Variants in GK5 observed in about 807,000 individuals in gnomAD.
GK5 encodes glycerol kinase 5.
A neutral mutation model predicts 77.3 loss-of-function variants in GK5; 39 were observed. The observed-to-expected ratio is 0.50, with a 90% CI of 0.39 to 0.66. The LOEUF is 0.66. Ranked by LOEUF, GK5 falls within the 30% of genes least tolerant of loss-of-function variation. The probability of loss-of-function intolerance (pLI) is 0.00; values close to 1 mark genes in which losing one functional copy is unlikely to be tolerated. For synonymous variants in GK5, 211 were observed against 208.0 expected (o/e 1.01, Z -0.13); for missense variants, 487 against 633.8 (o/e 0.77, Z 2.49).
chr3:142,170,381 G>A lies in GK5; in HGVS notation c.1385C>T (p.Pro462Leu). Residue 462 changes from proline (P) to leucine (L), a missense_variant, in exon 15 of 16, where the codon CCT becomes CTT. Coordinates refer to ENST00000392993, the MANE Select transcript of GK5 (RefSeq NM_001039547.3). ...SDLINENIDR[P>L]ADIDMSCLGA... ...CAGGCATGACATGTCAATGTCGGCA[G>A]GTCTGTCTATATTCTCATTAATCAG... 1 of 1,613,946 alleles carries A rather than the reference G, an allele frequency of 6.2e-7. No homozygotes were observed. Among genetic ancestry groups the A allele is most frequent in the Non-Finnish European group, 8.5e-7 (1 of 1,179,888 alleles).
intron 2 of GK5, among the ~76,000 whole-genome samples, chr3:142,214,182 A>C (rs1375100720): frequency 1.3e-5 from 2 of 152,218 alleles, no homozygotes; most frequent in African/African-American, 4.8e-5. Flanking sequence ...TGGGAAAAAA[A>C]CAAATACTAT....
intron 1 of GK5, among the ~76,000 whole-genome samples, chr3:142,217,224 T>C (rs1261054036): frequency 6.6e-6 from 1 of 152,178 alleles, no homozygotes; most frequent in Non-Finnish European, 1.5e-5. Flanking sequence ...CAACGGTAAC[T>C]GCAGTAATCA....
intron 14 of GK5, 61 bp from the exon 15 acceptor site, chr3:142,170,519 G>T (rs2063523765): frequency 9.4e-6 from 13 of 1,379,902 alleles, no homozygotes; most frequent in East Asian, 2.4e-5. Flanking sequence ...CTTTTTCAGT[G>T]GGCCACATTT....
Position 142,163,084 on chromosome 3 carries a change from G to A in GK5, c.*2538C>T, listed in dbSNP as rs2063437809. On this transcript the variant is annotated 3_prime_UTR_variant, in exon 16 of 16. Coordinates refer to ENST00000392993, the MANE Select transcript of GK5 (RefSeq NM_001039547.3). ...CAACCACAAAAGCAAATGTGGTCAT[G>A]TTTCTGATTTTAGTTAAGTCCAAAA... 6.6e-6 allele frequency: 1 copy of A among 151,432 alleles called. No individual in the cohort carries two copies. The highest frequency in any genetic ancestry group is 2.4e-5 in the African/African-American group (1 of 41,164). 9.4% of individuals were successfully genotyped at this position (151,432 alleles called of 1,614,324 possible).
At chr3:142,172,268 A>G in intron 13 of GK5, 85 bp downstream of exon 13, 1 of 635,938 alleles carries the variant, frequency 1.6e-6, no homozygotes, top group Non-Finnish European at 2.8e-6. Context: ...AATTAAAATT[A>G]AGAAATTTTC....
chr3:142,212,290 G>C (rs1382864859), intron 3 of GK5, among the ~76,000 whole-genome samples: 1 of 152,042 alleles, frequency 6.6e-6, no homozygotes, highest in African/African-American at 2.4e-5. Flanking sequence ...TGCTAGCTGG[G>C]GGAGGTGGCT....
chr3:142,178,395 AC>A (rs1425322146), intron 11 of GK5, among the ~76,000 whole-genome samples: 2 of 152,244 alleles, frequency 1.3e-5, no homozygotes, highest in African/African-American at 2.4e-5. Flanking sequence ...AAACAAAAAA[AC>A]CAAGACAATT....
chr3:142,170,255 G>C (rs757644576), intron 15 of GK5, 70 bp downstream of exon 15: 1 of 1,504,776 alleles, frequency 6.6e-7, no homozygotes, highest in South Asian at 1.1e-5. Context: ...TTTGTAATTT[G>C]AGAGGAGAAA....
chr3:142,199,820 C>T (rs967827786), intron 4 of GK5, among the ~76,000 whole-genome samples: 1 of 150,842 alleles, frequency 6.6e-6, no homozygotes, highest in African/African-American at 2.4e-5. Context: ...TAGATGGACA[C>T]TTCAACTTGT....
intron 9 of GK5, 177 bp from the exon 10 acceptor site, chr3:142,183,226 G>T: frequency 7.2e-6 from 4 of 558,022 alleles, no homozygotes; most frequent in East Asian, 3.0e-5. Context: ...TAGGATAGGA[G>T]TCTCCCTAGG....
At chr3:142,204,838 T>C (rs755083163) in intron 3 of GK5, 50 bp from the exon 4 acceptor site, 1 of 1,012,748 alleles carries the variant, frequency 9.9e-7, no homozygotes. Flanking sequence ...TCAGAGACTA[T>C]GTTAAAGATG....
intron 3 of GK5, among the ~76,000 whole-genome samples, chr3:142,207,222 G>A (rs1030601237): frequency 5.3e-5 from 8 of 152,270 alleles, no homozygotes; most frequent in Non-Finnish European, 1.0e-4. Flanking sequence ...ATAAACGGAC[G>A]CATGAGGGGG....
At chr3:142,182,859 C>T in intron 10 of GK5, 64 bp downstream of exon 10, 2 of 1,160,304 alleles carry the variant, frequency 1.7e-6, no homozygotes, top group Non-Finnish European at 2.5e-6. Context: ...ATAAGTATCA[C>T]AGAAGTTAAA....
At chr3:142,184,920 T>A (rs1560217607) in intron 9 of GK5, 1 of 985,474 alleles carries the variant, frequency 1.0e-6, no homozygotes, top group Non-Finnish European at 1.2e-6. Flanking sequence ...CATACCTTAA[T>A]CTAACCCTGC....
chr3:142,171,855 T>C (rs920034931), intron 13 of GK5, among the ~76,000 whole-genome samples: 13 of 152,156 alleles, frequency 8.5e-5, no homozygotes, highest in African/African-American at 3.1e-4. Flanking sequence ...ACAATTACTT[T>C]GTAATCACAG....
chr3:142,174,181 A>T (rs143789593), intron 12 of GK5, among the ~76,000 whole-genome samples: 1 of 152,202 alleles, frequency 6.6e-6, no homozygotes, highest in African/African-American at 2.4e-5. Flanking sequence ...GCCTAGCACT[A>T]TATCTGGCTC....
At chr3:142,221,974 C>T (rs1188366881) in intron 1 of GK5, among the ~76,000 whole-genome samples, 1 of 152,062 alleles carries the variant, frequency 6.6e-6, no homozygotes, top group Non-Finnish European at 1.5e-5. Context: ...AAATTTCTTT[C>T]CCAGTATAAT....
intron 10 of GK5, among the ~76,000 whole-genome samples, chr3:142,182,584 G>A (rs1392660479): frequency 2.0e-5 from 3 of 151,954 alleles, no homozygotes; most frequent in Non-Finnish European, 4.4e-5. Context: ...CCTGACCTAG[G>A]GTGATCTGCC....
Position 142,225,533 on chromosome 3 carries a change from G to A in GK5, c.-78C>T, listed in dbSNP as rs2064418928. On this transcript the variant is annotated 5_prime_UTR_variant, in exon 1 of 16. Coordinates refer to ENST00000392993, the MANE Select transcript of GK5 (RefSeq NM_001039547.3). ...AAATCCCAATGCTCCAGAGTCCCCG[G>A]GCGGCCCAACCCGGGCCCCAACCCG... The A allele has an allele frequency of 5.3e-6, 8 of 1,521,022 alleles. No homozygotes were observed. The South Asian group carries it at 7.3e-5, about 14-fold the overall frequency. The allele number at this position is 1,521,022 out of a possible 1,614,324, so 94.2% of individuals were successfully genotyped here.
Sources: gnomAD v4.1 joint callset for allele counts (sites outside exome capture counted in the v4.1 genomes callset) on GRCh38, gnomAD v4.1.1 for gene constraint, MANE v1.5 for transcripts, NCBI Gene and HGNC (gene_info 2026-07-23, HGNC 2026-07-21) for gene names.